SIK3: variants seen among roughly 807,000 people sequenced by gnomAD.
SIK3 encodes the protein SIK family kinase 3, also known as serine/threonine-protein kinase SIK3.
Under a neutral mutation model 144.2 loss-of-function variants are expected in SIK3, and 28 were observed. The ratio of observed to expected loss-of-function variants is 0.19; its 90% CI spans 0.14 to 0.27. The LOEUF is 0.27. Among genes scored for constraint, SIK3 ranks in the 10% least tolerant of loss-of-function variants. SIK3 has a pLI of 1.00. For synonymous variants in SIK3, 686 were observed against 676.3 expected, an observed-to-expected ratio of 1.01 and a Z score of -0.22; for missense variants, 1,319 against 1,776.0, an observed-to-expected ratio of 0.74 and a Z score of 4.62.
chr11:116,875,332 GA>G (rs779077689), intron 10 of SIK3, 41 bp downstream of exon 10: 2 of 1,613,338 alleles, frequency 1.2e-6, no homozygotes, highest in South Asian at 2.2e-5. Context: ...ATATGGCAAA[GA>G]AAGTGGTTTC....
At chr11:116,901,999 C>G (rs1325528242) in intron 4 of SIK3, among the ~76,000 whole-genome samples, 1 of 152,154 alleles carries the variant, frequency 6.6e-6, no homozygotes, top group Non-Finnish European at 1.5e-5. Context: ...AAATAAAAGA[C>G]AGAAAAAAGA....
At chr11:116,992,319 C>G (rs537084233) in intron 1 of SIK3, among the ~76,000 whole-genome samples, 1 of 143,568 alleles carries the variant, frequency 7.0e-6, no homozygotes. Flanking sequence ...AGCAAGACCC[C>G]CCCCCCCAAA....
chr11:117,092,038 C>A (rs1042424367), intron 1 of SIK3, among the ~76,000 whole-genome samples: 1 of 151,974 alleles, frequency 6.6e-6, no homozygotes, highest in African/African-American at 2.4e-5. Flanking sequence ...CTGCCTCATG[C>A]CCCCCCAAAG....
chr11:116,959,052 A>G lies in SIK3; in HGVS notation c.274-1988T>C, dbSNP rs552795634. On this transcript the variant is annotated intron_variant, in intron 1 of 24. Coordinates refer to ENST00000445177, the MANE Select transcript of SIK3 (RefSeq NM_001366686.3). ...TAGAAACTTGCAGATATATCCCCAT[A>G]GCAGAGCTGCCAAACAGCTGTAATC... is the stretch of plus-strand genomic sequence containing the variant. Among the ~76,000 whole-genome samples the G allele has an allele frequency of 2.0e-5, 3 of 152,336 alleles. No homozygotes were observed. The East Asian group carries it at 5.8e-4, about 29-fold the overall frequency.
intron 1 of SIK3, among the ~76,000 whole-genome samples, chr11:117,013,915 G>GGGGGGTGTGTGTGT (rs1206309055): frequency 1.3e-4 from 3 of 23,620 alleles, no homozygotes; most frequent in Non-Finnish European, 2.6e-4. Context: ...GGGGGGGGAG[G>GGGGGGTGTGTGTGT]GTGTGTGTGT....
At chr11:117,078,990 T>TA (rs35578594) in intron 1 of SIK3, among the ~76,000 whole-genome samples, 164 of 146,368 alleles carry the variant, frequency 1.1e-3, no homozygotes, top group Middle Eastern at 7.1e-3. Context: ...TATGATATCC[T>TA]AAAAAAAAAA....
chr11:116,926,546 G>A (rs1487708318), intron 4 of SIK3, among the ~76,000 whole-genome samples: 1 of 152,194 alleles, frequency 6.6e-6, no homozygotes, highest in African/African-American at 2.4e-5. Context: ...TGTGTCAGCA[G>A]TGACATAAAT....
chr11:116,996,828 A>C, intron 1 of SIK3, among the ~76,000 whole-genome samples: 1 of 126,846 alleles, frequency 7.9e-6, no homozygotes, highest in South Asian at 2.5e-4. Context: ...TCAAAAAAAA[A>C]AAAAAAAAAA....
At position 116,875,359 on chromosome 11, in the gene SIK3, C is replaced by T. The variant is rs1944194060; in HGVS notation, c.1317+15G>A. ...AAGTGGTTTCAGCTGACAGCTCCCA[C>T]AGGTTGCTACTTGCCTCCACAATTT... On this transcript the variant is annotated intron_variant, in intron 10 of 24. Transcript: ENST00000445177. 1.2e-6 allele frequency: 2 copies of T among 1,614,052 alleles called. No individual in the cohort carries two copies. The highest frequency in any genetic ancestry group is 1.7e-6 in the Non-Finnish European group (2 of 1,179,902).
Position 116,927,522 on chromosome 11 carries a change from T to A in SIK3, c.455-142A>T, listed in dbSNP as rs998064549. Reference sequence around the variant, plus strand: ...CAATGAGAGAACAACACATTGATAGTCCTGGTTTGCATCTATCAAAATTCA... The same window carrying A: ...CAATGAGAGAACAACACATTGATAGACCTGGTTTGCATCTATCAAAATTCA... On this transcript the variant is annotated intron_variant, in intron 3 of 24. Coordinates refer to ENST00000445177, the MANE Select transcript of SIK3 (RefSeq NM_001366686.3). The A allele has an allele frequency of 6.7e-5, 46 of 681,548 alleles. No individual in the cohort carries two copies. In the South Asian group the frequency reaches 7.4e-4, roughly 11 times the overall value. The allele number at this position is 681,548 out of a possible 1,614,324, so 42.2% of individuals were successfully genotyped here.
chr11:116,911,326 G>A (rs566257820), intron 4 of SIK3, among the ~76,000 whole-genome samples: 58 of 152,064 alleles, frequency 3.8e-4, no homozygotes, highest in East Asian at 2.1e-3. Context: ...TGGTCAACAC[G>A]GTGAAACACC....
At chr11:116,909,096 T>C (rs543557146) in intron 4 of SIK3, among the ~76,000 whole-genome samples, 1 of 152,132 alleles carries the variant, frequency 6.6e-6, no homozygotes, top group Non-Finnish European at 1.5e-5. Flanking sequence ...TAAAAATGAA[T>C]AAATCGCAGC....
At chr11:117,018,563 GC>G (rs937776258) in intron 1 of SIK3, among the ~76,000 whole-genome samples, 27 of 152,088 alleles carry the variant, frequency 1.8e-4, no homozygotes, top group African/African-American at 5.8e-4. Context: ...GAAGGAAAGA[GC>G]TCCAAACCAG....
chr11:117,005,423 G>GT (rs941570428), intron 1 of SIK3, among the ~76,000 whole-genome samples: 3 of 150,498 alleles, frequency 2.0e-5, no homozygotes, highest in Admixed American at 6.6e-5. Context: ...GGTGGGAGGT[G>GT]TTTTTGCAAA....
intron 1 of SIK3, among the ~76,000 whole-genome samples, chr11:117,020,305 T>G (rs1431609444): frequency 7.0e-6 from 1 of 142,908 alleles, no homozygotes; most frequent in East Asian, 2.0e-4. Context: ...CCTTGTAATT[T>G]CCTAAGTGAC....
At chr11:116,984,115 G>T (rs2135527841) in intron 1 of SIK3, among the ~76,000 whole-genome samples, 1 of 151,962 alleles carries the variant, frequency 6.6e-6, no homozygotes, top group Non-Finnish European at 1.5e-5. Flanking sequence ...AGCAGCAGCG[G>T]TTTGTGGGGG....
At chr11:116,962,166 C>T (rs542722520) in intron 1 of SIK3, among the ~76,000 whole-genome samples, 2 of 152,268 alleles carry the variant, frequency 1.3e-5, no homozygotes, top group Non-Finnish European at 2.9e-5. Flanking sequence ...AACTAAGGGA[C>T]AGTTCAGCAT....
intron 3 of SIK3, 146 bp from the exon 4 acceptor site, chr11:116,927,526 G>A: frequency 3.0e-6 from 2 of 656,870 alleles, no homozygotes; most frequent in Non-Finnish European, 5.2e-6. Flanking sequence ...TGATAGTCCT[G>A]GTTTGCATCT....
chr11:116,877,813 G>A (rs928381296), intron 6 of SIK3, among the ~76,000 whole-genome samples: 1 of 152,158 alleles, frequency 6.6e-6, no homozygotes, highest in African/African-American at 2.4e-5. Context: ...AGGGTGATGA[G>A]AGTAATAGTT....
Sources: gnomAD v4.1 joint callset for allele counts (sites outside exome capture counted in the v4.1 genomes callset) on GRCh38, gnomAD v4.1.1 for gene constraint, MANE v1.5 for transcripts, NCBI Gene and HGNC (gene_info 2026-07-23, HGNC 2026-07-21) for gene names.